MGST1: variants seen among roughly 807,000 people sequenced by gnomAD.
MGST1 encodes glutathione S-transferase 12.
Under a neutral mutation model 8.9 loss-of-function variants are expected in MGST1, and 5 were observed. That is an observed-to-expected ratio of 0.56 (90% CI 0.29 to 1.19). The LOEUF (loss-of-function observed/expected upper bound fraction) is 1.19, where lower values mean the gene tolerates loss of function less well. Among genes scored for constraint, MGST1 ranks in the 50% most tolerant of loss-of-function variants. The pLI is 0.08. For missense variants in MGST1, 182 were observed against 187.4 expected, an observed-to-expected ratio of 0.97 and a Z score of 0.17; for synonymous variants, 54 against 67.8, an observed-to-expected ratio of 0.80 and a Z score of 1.00.
At position 16,587,049 on chromosome 12, in the gene MGST1, T is replaced by A. The variant is rs2137585377; in HGVS notation, n.483-2479T>A. Among the ~76,000 whole-genome samples the A allele has an allele frequency of 6.6e-6, 1 of 152,326 alleles. No individual in the cohort carries two copies. The highest frequency in any genetic ancestry group is 6.5e-5 in the Admixed American group (1 of 15,290). On this transcript the variant is annotated intron_variant and non_coding_transcript_variant, in intron 4 of 4. Coordinates refer to the MGST1 transcript ENST00000538857. The surrounding 1 kb of genome is among the most constrained non-coding windows in gnomAD (Gnocchi z 4.3). ...CGTCACATCTCATATTTGGTTATTT[T>A]CCTTCTCAAAAGGTCTTGTTACAAA...
intron 4 of MGST1, among the ~76,000 whole-genome samples, chr12:16,511,256 T>C (rs1314665028): frequency 6.6e-6 from 1 of 152,268 alleles, no homozygotes; most frequent in African/African-American, 2.4e-5. Flanking sequence ...CAAAGTTATA[T>C]ATATATTCCA....
intron 4 of MGST1, among the ~76,000 whole-genome samples, chr12:16,467,120 C>A (rs900008247): frequency 4.6e-5 from 7 of 152,318 alleles, no homozygotes; most frequent in Non-Finnish European, 7.3e-5. Flanking sequence ...TCAGCAATCA[C>A]AAACCTCATG....
At chr12:16,508,441 G>A (rs1209247347) in intron 4 of MGST1, among the ~76,000 whole-genome samples, 1 of 152,084 alleles carries the variant, frequency 6.6e-6, no homozygotes, top group African/African-American at 2.4e-5. Flanking sequence ...TAGAACTCAC[G>A]GGGGAAGTCT....
intron 4 of MGST1, among the ~76,000 whole-genome samples, chr12:16,525,148 AT>A (rs1015518851): frequency 3.1e-4 from 47 of 151,300 alleles, no homozygotes; most frequent in African/African-American, 7.7e-4. Context: ...CCTTGAGATA[AT>A]TTTTTTTTAT....
chr12:16,585,101 A>C lies in MGST1; in HGVS notation n.483-4427A>C, dbSNP rs1318920583. 6.6e-6 allele frequency among the ~76,000 whole-genome samples: 1 copy of C among 152,192 alleles called. No individual in the cohort carries two copies. Among genetic ancestry groups the C allele is most frequent in the African/African-American group, 2.4e-5 (1 of 41,448 alleles). ...TCAGCAACATTAGGCCCACATTCGT[A>C]CAGTGTGCTGGAATTAAGTCATGGC... On this transcript the variant is annotated intron_variant and non_coding_transcript_variant, in intron 4 of 4. Transcript: ENST00000538857. This position sits in a 1 kb window ranked among gnomAD's most constrained non-coding sequence, Gnocchi z 4.7.
intron 4 of MGST1, among the ~76,000 whole-genome samples, chr12:16,556,692 T>C (rs1210299073): frequency 2.0e-5 from 3 of 152,222 alleles, no homozygotes; most frequent in Non-Finnish European, 4.4e-5. Flanking sequence ...ATGGGTTTCC[T>C]GGAGGAGACT....
At chr12:16,518,519 G>A (rs953590332) in intron 4 of MGST1, among the ~76,000 whole-genome samples, 2 of 152,082 alleles carry the variant, frequency 1.3e-5, no homozygotes, top group Admixed American at 1.3e-4. Flanking sequence ...TAAAAAAAAT[G>A]TTTTCCTCAC....
intron 4 of MGST1, among the ~76,000 whole-genome samples, chr12:16,487,217 G>T (rs1941404704): frequency 6.6e-6 from 1 of 152,096 alleles, no homozygotes; most frequent in Admixed American, 6.6e-5. Context: ...CTTCCACTGG[G>T]TGAGTAAACC....
chr12:16,560,566 T>A lies in MGST1; in HGVS notation n.483-28962T>A. On this transcript the variant is annotated intron_variant and non_coding_transcript_variant, in intron 4 of 4. Coordinates refer to the MGST1 transcript ENST00000538857. This position sits in a 1 kb window ranked among gnomAD's most constrained non-coding sequence, Gnocchi z 5.0. ...AGAATAAGAAACATTTTTTTTTTTT[T>A]ACAAACTCTTACAGAGAAATCTGAG... 2 of 1,578,150 alleles carry A rather than the reference T, an allele frequency of 1.3e-6. No individual in the cohort carries two copies. The highest frequency in any genetic ancestry group is 8.6e-7 in the Non-Finnish European group (1 of 1,156,412).
chr12:16,488,791 A>G (rs1462682112), intron 4 of MGST1, among the ~76,000 whole-genome samples: 1 of 151,946 alleles, frequency 6.6e-6, no homozygotes, highest in Non-Finnish European at 1.5e-5. Flanking sequence ...TTTAATCACT[A>G]TTTCTCCACC....
chr12:16,479,590 G>A (rs1413171843), intron 4 of MGST1, among the ~76,000 whole-genome samples: 4 of 146,024 alleles, frequency 2.7e-5, no homozygotes, highest in African/African-American at 1.0e-4. Flanking sequence ...CTGGAGTAAG[G>A]TGACACACTC....
chr12:16,441,493 A>G (rs1026617776), downstream of MGST1, among the ~76,000 whole-genome samples: 13 of 151,852 alleles, frequency 8.6e-5, no homozygotes, highest in Admixed American at 8.5e-4. Context: ...CTGCCTATTC[A>G]TATCTGCCTC....
chr12:16,506,736 T>G (rs977673053), intron 4 of MGST1, among the ~76,000 whole-genome samples: 1 of 152,164 alleles, frequency 6.6e-6, no homozygotes, highest in Non-Finnish European at 1.5e-5. Context: ...GCTTAAAATA[T>G]TTGCTATTTG....
chr12:16,414,396 T>G (rs1940767881), intron 1 of MGST1, among the ~76,000 whole-genome samples: 1 of 62,410 alleles, frequency 1.6e-5, no homozygotes, highest in Admixed American at 1.4e-4. Context: ...GGTGTTTTTA[T>G]TTTTTTTTTT....
rs915416486 is a variant in MGST1, at chr12:16,537,410, A to G, written n.483-52118A>G. ...CCAGTAGCATGGTGCAAGCTGTGGG[A>G]TCTACCATTCTGGGATCTGGAGCAT... On this transcript the variant is annotated intron_variant and non_coding_transcript_variant, in intron 4 of 4. Coordinates refer to the MGST1 transcript ENST00000538857. The surrounding 1 kb of genome is among the most constrained non-coding windows in gnomAD (Gnocchi z 4.6). Among the ~76,000 whole-genome samples the G allele has an allele frequency of 6.6e-6, 1 of 151,956 alleles. No individual in the cohort carries two copies. The highest frequency in any genetic ancestry group is 1.5e-5 in the Non-Finnish European group (1 of 67,992).
At chr12:16,494,262 T>C (rs1941456719) in intron 4 of MGST1, among the ~76,000 whole-genome samples, 1 of 152,310 alleles carries the variant, frequency 6.6e-6, no homozygotes, top group Non-Finnish European at 1.5e-5. Flanking sequence ...GGGTTTCCTT[T>C]AGTGTTATTT....
intron 4 of MGST1, among the ~76,000 whole-genome samples, chr12:16,489,111 A>AAAAT (rs1033454338): frequency 9.9e-5 from 15 of 152,084 alleles, no homozygotes; most frequent in East Asian, 5.8e-4. Context: ...TCACCATCTC[A>AAAAT]AAATAAATAA....
At chr12:16,495,876 A>G (rs557841640) in intron 4 of MGST1, among the ~76,000 whole-genome samples, 7 of 152,226 alleles carry the variant, frequency 4.6e-5, no homozygotes, top group African/African-American at 4.8e-5. Flanking sequence ...AAATTTCACC[A>G]TCTACTTCAA....
downstream of MGST1, among the ~76,000 whole-genome samples, chr12:16,365,699 C>T (rs562886021): frequency 6.6e-6 from 1 of 152,166 alleles, no homozygotes; most frequent in East Asian, 2.0e-4. Context: ...AAGTCCGAAA[C>T]CCATGAGTTG....
Sources: allele counts gnomAD v4.1 joint callset (sites outside exome capture counted in the v4.1 genomes callset), GRCh38; gene constraint gnomAD v4.1.1; non-coding constraint Gnocchi (gnomAD v3.1); transcripts MANE v1.5; gene names NCBI Gene and HGNC (gene_info 2026-07-23, HGNC 2026-07-21).